OSBPL2: variants seen among roughly 807,000 people sequenced by gnomAD.
OSBPL2 encodes oxysterol binding protein like 2, also known as oxysterol-binding protein-related protein 2.
In OSBPL2, 18 loss-of-function variants were observed where a neutral mutation model predicts 58.4. The ratio of observed to expected loss-of-function variants is 0.31; its 90% CI spans 0.21 to 0.46. The LOEUF (loss-of-function observed/expected upper bound fraction) is 0.46. Ranked by LOEUF, OSBPL2 falls within the 20% of genes least tolerant of loss-of-function variation. The probability of loss-of-function intolerance (pLI) is 1.00; values close to 1 mark genes in which losing one functional copy is unlikely to be tolerated. For missense variants in OSBPL2, 461 were observed against 616.5 expected, an observed-to-expected ratio of 0.75 and a Z score of 2.67; for synonymous variants, 221 against 234.1, an observed-to-expected ratio of 0.94 and a Z score of 0.51.
Position 62,291,738 on chromosome 20 carries a change from A to C in OSBPL2, c.1285A>C (p.Lys429Gln). ...CCAGGAGAAGGAGCGGCTGGAGGAGAAGCAGAGAGAAGCACGGAGGGAGCG... is the reference window on the plus strand; with the variant it reads ...CCAGGAGAAGGAGCGGCTGGAGGAGCAGCAGAGAGAAGCACGGAGGGAGCG... ...ASQEKERLEE[K>Q]QREARRERAK... is the part of the protein sequence containing the mutation. The change falls in exon 13 of 14, where the codon AAG becomes CAG. Residue 429 changes from lysine to glutamine, a missense_variant. Lys to Gln is a moderately conservative substitution (Grantham distance 53). Coordinates refer to ENST00000313733, the MANE Select transcript of OSBPL2 (RefSeq NM_144498.4). 1 of 1,613,268 alleles carries C rather than the reference A, an allele frequency of 6.2e-7. No individual in the cohort carries two copies. Among genetic ancestry groups the C allele is most frequent in the Admixed American group, 1.7e-5 (1 of 59,976 alleles).
chr20:62,262,210 G>A (rs1253912861), intron 3 of OSBPL2, among the ~76,000 whole-genome samples: 9 of 151,940 alleles, frequency 5.9e-5, no homozygotes, highest in Admixed American at 3.9e-4. Flanking sequence ...GACCCAGCTC[G>A]GACAGTGCAC....
intron 9 of OSBPL2, among the ~76,000 whole-genome samples, chr20:62,282,476 T>C (rs965238069): frequency 5.9e-5 from 9 of 152,200 alleles, no homozygotes; most frequent in African/African-American, 2.2e-4. Flanking sequence ...AGCCATAGAA[T>C]GTCATGAAGT....
At chr20:62,253,174 G>T (rs1175881361) in intron 1 of OSBPL2, among the ~76,000 whole-genome samples, 1 of 152,284 alleles carries the variant, frequency 6.6e-6, no homozygotes, top group Non-Finnish European at 1.5e-5. Context: ...GTCTAATGGT[G>T]ATGGTCACGC....
At chr20:62,291,292 A>G (rs1370372466) in intron 12 of OSBPL2, 1 of 288,564 alleles carries the variant, frequency 3.5e-6, no homozygotes, top group African/African-American at 2.2e-5. Flanking sequence ...TTACCCGGGA[A>G]GGTCAAGGCT....
rs578152665 is a variant in OSBPL2, at chr20:62,285,850, G to A, written c.997-733G>A. ...GGCCACTGACTTCCTTCGTCTCTGCGAAGGGAAACGCCTGGCCACTGACCT... is the reference window on the plus strand; with the variant it reads ...GGCCACTGACTTCCTTCGTCTCTGCAAAGGGAAACGCCTGGCCACTGACCT... On this transcript the variant is annotated intron_variant, in intron 10 of 13. Coordinates refer to ENST00000313733, the MANE Select transcript of OSBPL2 (RefSeq NM_144498.4). 7.9e-5 allele frequency: 12 copies of A among 152,736 alleles called. No individual in the cohort carries two copies. The South Asian group carries it at 2.2e-3, about 28-fold the overall frequency. The allele number at this position is 152,736 out of a possible 1,614,324, so 9.5% of individuals were successfully genotyped here. A position where few individuals can be genotyped will look rare whatever the true frequency, so the allele number is the denominator to read the frequency against.
chr20:62,260,176 A>G (rs757629210), intron 3 of OSBPL2, 51 bp downstream of exon 3: 72 of 1,571,118 alleles, frequency 4.6e-5, no homozygotes, highest in African/African-American at 6.8e-5. Flanking sequence ...AATCACCCCA[A>G]AAATACTCTG....
rs1982960003 is a variant in OSBPL2, at chr20:62,284,075, A to G, written c.902A>G (p.Lys301Arg). The change falls in exon 10 of 14, where the codon AAA becomes AGA. Residue 301 changes from lysine (K) to arginine (R), a missense_variant. This residue lies in a region of OSBPL2 where 319 missense variants were observed against 419.2 expected (regional missense o/e 0.76). Transcript: ENST00000313733. ...NKKKLFMIYG[K>R]WTECLWGIDP... ...AAGAAGCTCTTTATGATCTATGGCA[A>G]ATGGACGGAATGTTTGTGGGGCATA... is the stretch of plus-strand genomic sequence containing the variant. The G allele has an allele frequency of 2.5e-6, 4 of 1,613,944 alleles. No individual in the cohort carries two copies. The highest frequency in any genetic ancestry group is 3.4e-6 in the Non-Finnish European group (4 of 1,179,862).
intron 4 of OSBPL2, among the ~76,000 whole-genome samples, chr20:62,265,013 C>T (rs553226194): frequency 2.4e-4 from 36 of 152,316 alleles, no homozygotes; most frequent in African/African-American, 7.7e-4. Context: ...GACTGTTAAC[C>T]TGATCACTTG....
At chr20:62,257,715 ATTT>A (rs536036293) in intron 2 of OSBPL2, among the ~76,000 whole-genome samples, 2 of 129,192 alleles carry the variant, frequency 1.5e-5, no homozygotes, top group Admixed American at 7.7e-5. Flanking sequence ...ACCTCTGGCC[ATTT>A]TTTTTTTTTT....
In OSBPL2 at chr20:62,295,262, T is replaced by A. The variant is rs1042565759; in HGVS notation, c.*1375T>A. ...CCACTGCGCCTGGCCGTGACTGATT[T>A]TTTTTCATGTAGAATTGTCAACACG... On this transcript the variant is annotated 3_prime_UTR_variant, in exon 14 of 14. Coordinates refer to ENST00000313733, the MANE Select transcript of OSBPL2 (RefSeq NM_144498.4). The surrounding 1 kb of genome is among the most constrained non-coding windows in gnomAD (Gnocchi z 4.8). The A allele has an allele frequency of 2.6e-5, 4 of 151,866 alleles. No individual in the cohort carries two copies. Among genetic ancestry groups the A allele is most frequent in the African/African-American group, 9.7e-5 (4 of 41,400 alleles). The allele number at this position is 151,866 out of a possible 1,614,324, so 9.4% of individuals were successfully genotyped here. A position where few individuals can be genotyped will look rare whatever the true frequency, so the allele number is the denominator to read the frequency against.
At position 62,275,988 on chromosome 20, in the gene OSBPL2, C is replaced by T. The variant is rs114511974; in HGVS notation, c.491+2582C>T. 1.9e-3 allele frequency among the ~76,000 whole-genome samples: 293 copies of T among 151,200 alleles called. 1 individual carries two copies. The highest frequency in any genetic ancestry group is 6.9e-3 in the African/African-American group (283 of 41,190). ...GCAGTGGCATGATCTCCACTCGCTG[C>T]AACCTCCGCCTGCTGGTTCAAGCAA... On this transcript the variant is annotated intron_variant, in intron 6 of 13. Coordinates refer to ENST00000313733, the MANE Select transcript of OSBPL2 (RefSeq NM_144498.4).
chr20:62,241,026 C>T (rs531007434), intron 1 of OSBPL2, among the ~76,000 whole-genome samples: 4 of 152,278 alleles, frequency 2.6e-5, no homozygotes, highest in African/African-American at 9.6e-5. Context: ...TTTTCTTCCA[C>T]GCCTCGAGTG....
In OSBPL2 at chr20:62,288,508, AG is replaced by A; in HGVS notation, c.1126-698del. ...GCAGAGGCTGGGAGGCTGTGGGTGC[AG>A]AGGCCGGAGGCTGTGGGTGCAGAGG... On this transcript the variant is annotated intron_variant, in intron 11 of 13. Transcript: ENST00000313733. This position sits in a 1 kb window ranked among gnomAD's most constrained non-coding sequence, Gnocchi z 4.8. 1.5e-5 allele frequency among the ~76,000 whole-genome samples: 2 copies of A among 132,322 alleles called. No homozygotes were observed. Among genetic ancestry groups the A allele is most frequent in the East Asian group, 4.5e-4 (2 of 4,442 alleles). 86.8% of individuals were successfully genotyped at this position (132,322 alleles called of 152,430 possible). A position where few individuals can be genotyped will look rare whatever the true frequency, so the allele number is the denominator to read the frequency against.
At chr20:62,282,689 T>C (rs763746513) in intron 9 of OSBPL2, among the ~76,000 whole-genome samples, 10 of 152,130 alleles carry the variant, frequency 6.6e-5, no homozygotes, top group Non-Finnish European at 1.5e-4. Flanking sequence ...TAGCCAGGTG[T>C]GATGGCGCAC....
chr20:62,267,422 C>T (rs1025217878), intron 4 of OSBPL2, among the ~76,000 whole-genome samples: 3 of 152,102 alleles, frequency 2.0e-5, no homozygotes, highest in South Asian at 2.1e-4. Context: ...CAAGGTGGCC[C>T]GGAGTCCTTT....
At chr20:62,281,931 GT>G in intron 9 of OSBPL2, 52 bp downstream of exon 9, 2 of 1,252,590 alleles carry the variant, frequency 1.6e-6, no homozygotes, top group African/African-American at 1.5e-5. Flanking sequence ...GTGTGTCCAC[GT>G]TAGAAGGGCT....
At chr20:62,239,809 C>T (rs556514289) in intron 1 of OSBPL2, among the ~76,000 whole-genome samples, 2 of 152,274 alleles carry the variant, frequency 1.3e-5, no homozygotes, top group South Asian at 2.1e-4. Flanking sequence ...CTCCTTCATC[C>T]GGACATGTAG....
intron 6 of OSBPL2, among the ~76,000 whole-genome samples, chr20:62,277,399 C>T (rs1022478009): frequency 3.3e-5 from 5 of 152,266 alleles, no homozygotes; most frequent in Non-Finnish European, 5.9e-5. Flanking sequence ...GGGCTGCACC[C>T]GGGGCCGGAG....
Position 62,241,076 on chromosome 20 carries a change from T to C in OSBPL2, c.-129+2479T>C, listed in dbSNP as rs151090899. 7.4e-4 allele frequency among the ~76,000 whole-genome samples: 113 copies of C among 152,264 alleles called. No homozygotes were observed. In the East Asian group the frequency reaches 0.012, roughly 17 times the overall value. On this transcript the variant is annotated intron_variant, in intron 1 of 13. Coordinates refer to ENST00000313733, the MANE Select transcript of OSBPL2 (RefSeq NM_144498.4). ...GACTCTGCTGTGTTCCACATGTTAA[T>C]GAGAGGTGCTGTTTGAATGTGAAAA...
Sources: allele counts gnomAD v4.1 joint callset (sites outside exome capture counted in the v4.1 genomes callset), GRCh38; gene constraint gnomAD v4.1.1; regional missense constraint gnomAD v4.1.1; non-coding constraint Gnocchi (gnomAD v3.1); transcripts MANE v1.5; gene names NCBI Gene and HGNC (gene_info 2026-07-23, HGNC 2026-07-21).